LPP: variants seen among roughly 807,000 people sequenced by gnomAD.
LPP encodes LIM domain containing preferred translocation partner in lipoma, also known as lipoma-preferred partner.
Under a neutral mutation model 60.4 loss-of-function variants are expected in LPP, and 38 were observed. The ratio of observed to expected loss-of-function variants is 0.63; its 90% CI spans 0.49 to 0.83. The LOEUF is 0.83. LPP is among the 40% of genes least tolerant of loss of function. LPP has a pLI of 0.00. For synonymous variants in LPP, 328 were observed against 290.8 expected (o/e 1.13, Z -1.30); for missense variants, 902 against 783.6 (o/e 1.15, Z -1.80).
chr3:188,181,827 A>G (rs775839011), intron 1 of LPP, among the ~76,000 whole-genome samples: 4 of 152,282 alleles, frequency 2.6e-5, no homozygotes, highest in East Asian at 1.9e-4. Context: ...GGCTCAATCA[A>G]TTCTTCTGCC....
At chr3:188,638,285 G>T (rs1849271384) in intron 7 of LPP, among the ~76,000 whole-genome samples, 1 of 149,472 alleles carries the variant, frequency 6.7e-6, no homozygotes, top group African/African-American at 2.4e-5. Context: ...CTCAATAGAT[G>T]CAGAAAAGGC....
At chr3:188,735,445 G>A (rs1026514313) in intron 8 of LPP, among the ~76,000 whole-genome samples, 31 of 151,964 alleles carry the variant, frequency 2.0e-4, no homozygotes, top group Non-Finnish European at 3.8e-4. Flanking sequence ...GCAATGGTGC[G>A]ATCTCAGCTC....
At chr3:188,574,741 G>A (rs1470626043) in intron 6 of LPP, among the ~76,000 whole-genome samples, 1 of 151,656 alleles carries the variant, frequency 6.6e-6, no homozygotes, top group Non-Finnish European at 1.5e-5. Flanking sequence ...GGCTAAGGGG[G>A]GTGTGTAACA....
At chr3:188,698,181 G>A (rs1468833019) in intron 7 of LPP, among the ~76,000 whole-genome samples, 3 of 152,044 alleles carry the variant, frequency 2.0e-5, no homozygotes, top group African/African-American at 4.8e-5. Context: ...AAGATGAAAC[G>A]TGTGCCTGGA....
Position 188,708,501 on chromosome 3 carries a change from T to G in LPP, c.1240+108T>G, listed in dbSNP as rs1320885923. ...CACTGGTAAAGTATTTGAGTCCAGA[T>G]GCATGAGAGTTGATATACATCCCCG... On this transcript the variant is annotated intron_variant, in intron 8 of 11. Coordinates refer to ENST00000617246, the MANE Select transcript of LPP (RefSeq NM_001375462.1). 4.8e-6 allele frequency: 7 copies of G among 1,448,416 alleles called. No individual in the cohort carries two copies. The Middle Eastern group carries it at 5.3e-4, about 109-fold the overall frequency. 89.7% of individuals were successfully genotyped at this position (1,448,416 alleles called of 1,614,324 possible).
chr3:188,742,494 G>A (rs902668729), intron 8 of LPP, among the ~76,000 whole-genome samples: 6 of 151,898 alleles, frequency 4.0e-5, no homozygotes, highest in African/African-American at 1.5e-4. Context: ...ACAAATACAT[G>A]AAAAAAATCT....
intron 9 of LPP, among the ~76,000 whole-genome samples, chr3:188,790,821 C>CAA (rs11433572): frequency 0.26 from 38,371 of 146,266 alleles, 6,184 homozygotes; most frequent in East Asian, 0.78. Flanking sequence ...ACTCTGTCTC[C>CAA]AAAAAAAAAA....
At chr3:188,570,823 A>T (rs882443) in intron 6 of LPP, among the ~76,000 whole-genome samples, 40,946 of 151,742 alleles carry the variant, frequency 0.27, 6,068 homozygotes, top group East Asian at 0.71. Context: ...AGATAATTAT[A>T]CAGTCACTCC....
intron 1 of LPP, among the ~76,000 whole-genome samples, chr3:188,223,808 A>G (rs545547452): frequency 2.9e-4 from 44 of 152,212 alleles, no homozygotes; most frequent in African/African-American, 1.1e-3. Flanking sequence ...TTGTTTTATG[A>G]AATTGCATTG....
chr3:188,576,140 AT>A (rs1318297369), intron 6 of LPP, among the ~76,000 whole-genome samples: 1 of 152,172 alleles, frequency 6.6e-6, no homozygotes, highest in Non-Finnish European at 1.5e-5. Context: ...TCCAGACTTG[AT>A]TCAGGAAAGG....
intron 6 of LPP, among the ~76,000 whole-genome samples, chr3:188,607,125 AC>A (rs2151313999): frequency 3.9e-5 from 3 of 76,318 alleles, no homozygotes; most frequent in Admixed American, 1.3e-4. Flanking sequence ...AGACACACAC[AC>A]ACACACACAC....
At chr3:188,626,122 T>C (rs1459625343) in intron 7 of LPP, among the ~76,000 whole-genome samples, 3 of 152,150 alleles carry the variant, frequency 2.0e-5, no homozygotes, top group African/African-American at 4.8e-5. Context: ...AAAAGTATTA[T>C]ATTATTTCGG....
intron 9 of LPP, among the ~76,000 whole-genome samples, chr3:188,857,730 C>T (rs952530021): frequency 2.6e-5 from 4 of 152,154 alleles, no homozygotes; most frequent in Admixed American, 6.5e-5. Context: ...TATATTATGA[C>T]ATTATCCAAT....
At chr3:188,519,105 A>T (rs937681446) in intron 5 of LPP, among the ~76,000 whole-genome samples, 6 of 152,328 alleles carry the variant, frequency 3.9e-5, no homozygotes, top group African/African-American at 1.4e-4. Context: ...TGACTAGTAG[A>T]ATACTCACAG....
intron 1 of LPP, among the ~76,000 whole-genome samples, chr3:188,187,011 A>G (rs1445240262): frequency 6.6e-6 from 1 of 151,960 alleles, no homozygotes; most frequent in Admixed American, 6.6e-5. Flanking sequence ...GTTTCGCTTC[A>G]CTCACTATTT....
At chr3:188,415,813 C>G (rs763608203) in intron 4 of LPP, among the ~76,000 whole-genome samples, 1 of 151,614 alleles carries the variant, frequency 6.6e-6, no homozygotes, top group African/African-American at 2.4e-5. Context: ...ACAAAGAGGA[C>G]GCAGCAAGAG....
chr3:188,606,628 T>C (rs1842432145), intron 6 of LPP, among the ~76,000 whole-genome samples: 1 of 152,092 alleles, frequency 6.6e-6, no homozygotes, highest in South Asian at 2.1e-4. Context: ...AGAAACATAG[T>C]TTCCTCATTA....
chr3:188,349,387 T>C (rs1765245271), intron 3 of LPP, among the ~76,000 whole-genome samples: 1 of 152,156 alleles, frequency 6.6e-6, no homozygotes, highest in African/African-American at 2.4e-5. Flanking sequence ...GGGAAGCATA[T>C]TGGTGAATGG....
chr3:188,531,590 A>G (rs1234939902), intron 6 of LPP, among the ~76,000 whole-genome samples: 1 of 152,078 alleles, frequency 6.6e-6, no homozygotes, highest in Non-Finnish European at 1.5e-5. Context: ...AATGTTTTGA[A>G]GTCTGTATAA....
Sources: gnomAD v4.1 joint callset for allele counts (sites outside exome capture counted in the v4.1 genomes callset) on GRCh38, gnomAD v4.1.1 for gene constraint, MANE v1.5 for transcripts, NCBI Gene and HGNC (gene_info 2026-07-23, HGNC 2026-07-21) for gene names.